Variants in COL2A1 observed in about 807,000 individuals in gnomAD.
COL2A1 encodes the protein collagen type II alpha 1 chain, also known as collagen alpha-1(II) chain.
Under a neutral mutation model 204.5 loss-of-function variants are expected in COL2A1, and 28 were observed. The observed-to-expected ratio is 0.14, with a 90% confidence interval of 0.10 to 0.19. The LOEUF (loss-of-function observed/expected upper bound fraction) is 0.19. COL2A1 is among the 10% of genes least tolerant of loss of function. The pLI, the probability that COL2A1 is intolerant of heterozygous loss-of-function variation, is 1.00. For synonymous variants in COL2A1, 708 were observed against 718.7 expected (o/e 0.99, Z 0.24); for missense variants, 1,388 against 2,027.5 (o/e 0.68, Z 6.06).
At chr12:47,991,162 G>A (rs1470013561) in intron 16 of COL2A1, among the ~76,000 whole-genome samples, 1 of 152,224 alleles carries the variant, frequency 6.6e-6, no homozygotes, top group Non-Finnish European at 1.5e-5. Context: ...TCGGGAAGCA[G>A]TTCCTTGGGG....
rs373354737 is a variant in COL2A1, at chr12:47,978,109, G to A, written c.3012C>T (p.Pro1004=). 8.7e-6 allele frequency: 14 copies of A among 1,612,956 alleles called. No homozygotes were observed. Among genetic ancestry groups the A allele is most frequent in the Middle Eastern group, 1.7e-4 (1 of 6,060 alleles). The stretch of plus-strand genomic sequence containing the variant: ...ATGCTCCAGGAGCACCCTGCTTGCC[G>A]GGCTCACCCTGGAGGGACAGAGACA... ...FPGLPGPSGE[P]GKQGAPGASG... is the part of the protein sequence containing the mutation. Residue 1004 remains proline, a synonymous_variant, in exon 44 of 54, where the codon CCC becomes CCT. Transcript: ENST00000380518. This position sits in a 1 kb window ranked among gnomAD's most constrained non-coding sequence, Gnocchi z 5.5.
At chr12:48,001,817 T>C (rs1016633072) in intron 1 of COL2A1, among the ~76,000 whole-genome samples, 10 of 152,168 alleles carry the variant, frequency 6.6e-5, no homozygotes, top group African/African-American at 2.4e-4. Context: ...AGCACCACCA[T>C]AATTGCTGCT....
intron 7 of COL2A1, 94 bp downstream of exon 7, chr12:47,997,512 A>G: frequency 6.2e-7 from 1 of 1,607,866 alleles, no homozygotes; most frequent in Non-Finnish European, 8.5e-7. Context: ...CACTGCTGGC[A>G]GCCCTGGGAG....
intron 17 of COL2A1, 113 bp from the exon 18 acceptor site, chr12:47,989,394 C>G: frequency 1.1e-6 from 1 of 932,486 alleles, no homozygotes; most frequent in South Asian, 1.4e-5. Flanking sequence ...CACTCCATAT[C>G]CATTGTGGCT....
rs1451826940 is a variant in COL2A1, at chr12:48,004,373, G to C, written c.-52C>G. The C allele has an allele frequency of 8.5e-7, 1 of 1,169,868 alleles. No homozygotes were observed. Among genetic ancestry groups the C allele is most frequent in the Non-Finnish European group, 1.2e-6 (1 of 805,554 alleles). The allele number at this position is 1,169,868 out of a possible 1,614,324, so 72.5% of individuals were successfully genotyped here. On this transcript the variant is annotated 5_prime_UTR_variant, in exon 1 of 54. Coordinates refer to ENST00000380518, the MANE Select transcript of COL2A1 (RefSeq NM_001844.5). ...GGGCCCGGGCGGAGCGCAGCGAAAC[G>C]GCAGGAGCACGGCGCGGGTCCGGGT...
At chr12:47,983,285 C>T (rs1404938532) in intron 31 of COL2A1, 100 bp downstream of exon 31, 1 of 1,484,118 alleles carries the variant, frequency 6.7e-7, no homozygotes, top group East Asian at 2.3e-5. Flanking sequence ...CATTCCCAGG[C>T]CTCACAGGGC....
chr12:47,982,456 T>C, intron 34 of COL2A1, 46 bp downstream of exon 34: 2 of 1,499,424 alleles, frequency 1.3e-6, no homozygotes, highest in Non-Finnish European at 1.9e-6. Flanking sequence ...GGCAGGAATG[T>C]GGCAAAGCCA....
rs1939611184 is a variant in COL2A1, at chr12:47,989,739, GC to G, written c.1068+21del. The G allele has an allele frequency of 6.2e-6, 10 of 1,611,750 alleles. No homozygotes were observed. In the East Asian group the frequency reaches 2.2e-4, roughly 36 times the overall value. Reference sequence around the variant, plus strand: ...ACTTAAAGCACAGCAACAATGACCTGCTGAGGATGAAATGAACTTACCGGAG... The same window carrying G: ...ACTTAAAGCACAGCAACAATGACCTGTGAGGATGAAATGAACTTACCGGAG... On this transcript the variant is annotated intron_variant, in intron 17 of 53. Transcript: ENST00000380518.
At chr12:47,981,218 G>T in intron 37 of COL2A1, 125 bp downstream of exon 37, 1 of 1,091,108 alleles carries the variant, frequency 9.2e-7, no homozygotes, top group East Asian at 2.6e-5. Context: ...CCAGCGGGTA[G>T]GGAGGGAGCC....
chr12:47,994,782 AC>A (rs1939873289), intron 11 of COL2A1, among the ~76,000 whole-genome samples: 1 of 152,132 alleles, frequency 6.6e-6, no homozygotes, highest in Non-Finnish European at 1.5e-5. Context: ...ACCTCAAGAG[AC>A]TTTTACTGTC....
Position 47,982,562 on chromosome 12 carries a change from A to G in COL2A1, c.2241T>C (p.Gly747=). 6.2e-7 allele frequency: 1 copy of G among 1,613,764 alleles called. No homozygotes were observed. The highest frequency in any genetic ancestry group is 1.7e-5 in the Admixed American group (1 of 60,012). Residue 747 remains glycine (G), a synonymous_variant, in exon 34 of 54, where the codon GGT becomes GGC. Transcript: ENST00000380518. The part of the protein sequence containing the change: ...AGPPGAQGPP[G]LQGMPGERGA... ...CCCTCTCGCCAGGCATTCCCTGAAG[A>G]CCTGGAGGGCCCTGAGCCCCAGGGG... is the stretch of plus-strand genomic sequence containing the variant.
At chr12:47,994,289 A>C in intron 12 of COL2A1, 135 bp downstream of exon 12, 1 of 1,042,358 alleles carries the variant, frequency 9.6e-7, no homozygotes, top group Non-Finnish European at 1.5e-6. Context: ...AATTACAAAC[A>C]TGGTCGTGAT....
At chr12:47,979,753 C>A (rs534607595) in intron 40 of COL2A1, among the ~76,000 whole-genome samples, 189 bp from the exon 41 acceptor site, 1 of 152,318 alleles carries the variant, frequency 6.6e-6, no homozygotes, top group African/African-American at 2.4e-5. Flanking sequence ...CAGGCTGTTT[C>A]CCTGCCTCCG....
rs1333098550 is a variant in COL2A1, at chr12:47,976,273, T to A, written c.3490-203A>T. ...CCATGGCTTGCCTACCCTCCTAAGCTCCTCTTTGTAAAATGCTGTTCTGTC... is the reference window on the plus strand; with the variant it reads ...CCATGGCTTGCCTACCCTCCTAAGCACCTCTTTGTAAAATGCTGTTCTGTC... On this transcript the variant is annotated intron_variant, in intron 49 of 53. Coordinates refer to ENST00000380518, the MANE Select transcript of COL2A1 (RefSeq NM_001844.5). The surrounding 1 kb of genome is among the most constrained non-coding windows in gnomAD (Gnocchi z 4.3). 6.6e-6 allele frequency among the ~76,000 whole-genome samples: 1 copy of A among 152,006 alleles called. No homozygotes were observed. The highest frequency in any genetic ancestry group is 1.5e-5 in the Non-Finnish European group (1 of 68,028).
In COL2A1 at chr12:47,999,974, C is replaced by G. The variant is rs757029242; in HGVS notation, c.237G>C (p.Glu79Asp). The G allele has an allele frequency of 3.1e-6, 5 of 1,614,232 alleles. No individual in the cohort carries two copies. The East Asian group carries it at 8.9e-5, about 29-fold the overall frequency. The change falls in exon 2 of 54, where the codon GAG becomes GAC. Residue 79 changes from glutamate to aspartate, a missense_variant. Glu to Asp is a conservative substitution (Grantham distance 45, BLOSUM62 2). Coordinates refer to ENST00000380518, the MANE Select transcript of COL2A1 (RefSeq NM_001844.5). ...CEDVKDCLSP[E>D]IPFGECCPIC... ...TGGGGCAGCACTCTCCGAAGGGGAT[C>G]TCAGGGCTGAGGCAGTCTTTCACGT... is the stretch of plus-strand genomic sequence containing the variant.
In COL2A1 at chr12:47,974,141, C is replaced by T. The variant is rs745349011; in HGVS notation, c.4265G>A (p.Arg1422Gln). ...LIQGSNDVEI[R>Q]AEGNSRFTYT... ...CGTGAACCTGCTATTGCCCTCTGCCCGGATCTCCACGTCATTGGAGCCCTG... is the reference window on the plus strand; with the variant it reads ...CGTGAACCTGCTATTGCCCTCTGCCTGGATCTCCACGTCATTGGAGCCCTG... Residue 1422 changes from arginine (R) to glutamine (Q), a missense_variant, in exon 53 of 54, where the codon CGG (arginine) becomes CAG (glutamine). By Grantham distance (43) the Arg-to-Gln change is conservative. Transcript: ENST00000380518. 43 of 1,613,668 alleles carry T rather than the reference C, an allele frequency of 2.7e-5. No homozygotes were observed. The highest frequency in any genetic ancestry group is 3.3e-5 in the Non-Finnish European group (39 of 1,179,932).
In COL2A1 at chr12:47,973,470, G is replaced by A. The variant is rs756223833; in HGVS notation, c.4401C>T (p.Pro1467=). 1.2e-6 allele frequency: 2 copies of A among 1,614,076 alleles called. No homozygotes were observed. Among genetic ancestry groups the A allele is most frequent in the South Asian group, 2.2e-5 (2 of 91,086 alleles). The change falls in exon 54 of 54, where the codon CCC becomes CCT. Residue 1467 remains proline, a synonymous_variant. Coordinates refer to ENST00000380518, the MANE Select transcript of COL2A1 (RefSeq NM_001844.5). The stretch of plus-strand genomic sequence containing the variant: ...CCTGCTCGGGCCCTCCTATGTCCAT[G>A]GGTGCAATGTCAATGATGGGGAGGC... The part of the protein sequence containing the change: ...TSRLPIIDIA[P]MDIGGPEQEF...
intron 7 of COL2A1, 74 bp from the exon 8 acceptor site, chr12:47,996,699 A>G: frequency 1.7e-6 from 2 of 1,148,964 alleles, no homozygotes; most frequent in Admixed American, 1.7e-5. Flanking sequence ...TAAGCTCTAT[A>G]TGGATACAAA....
chr12:47,977,261 G>A, intron 46 of COL2A1, 59 bp downstream of exon 46: 1 of 1,577,896 alleles, frequency 6.3e-7, no homozygotes, highest in Non-Finnish European at 8.7e-7. Flanking sequence ...GAAACCCAGG[G>A]ACTGCCTCAG....
Sources: gnomAD v4.1 joint callset for allele counts (sites outside exome capture counted in the v4.1 genomes callset) on GRCh38, gnomAD v4.1.1 for gene constraint, Gnocchi (gnomAD v3.1) non-coding constraint, MANE v1.5 for transcripts, NCBI Gene and HGNC (gene_info 2026-07-23, HGNC 2026-07-21) for gene names.